FBXO34: variants seen among roughly 807,000 people sequenced by gnomAD.
The protein encoded by FBXO34 is F-box protein 34.
In FBXO34, 12 loss-of-function variants were observed where a neutral mutation model predicts 24.5. The ratio of observed to expected loss-of-function variants is 0.49; its 90% CI spans 0.31 to 0.79. The LOEUF (loss-of-function observed/expected upper bound fraction) is 0.79, where lower values mean the gene tolerates loss of function less well. Ranked by LOEUF, FBXO34 falls within the 30% of genes least tolerant of loss-of-function variation. The probability of loss-of-function intolerance (pLI) is 0.04; values close to 1 mark genes in which losing one functional copy is unlikely to be tolerated. For synonymous variants in FBXO34, 320 were observed against 311.9 expected (o/e 1.03, Z -0.27); for missense variants, 823 against 857.7 (o/e 0.96, Z 0.51).
the FBXO34 span, among the ~76,000 whole-genome samples, chr14:55,415,045 G>A: frequency 4.8e-4 from 73 of 152,288 alleles, 1 homozygote; most frequent in Middle Eastern, 0.014. Context: ...ATAAAAACAT[G>A]AATCAAACAG....
At chr14:55,424,808 A>C in the FBXO34 span, among the ~76,000 whole-genome samples, 1 of 152,166 alleles carries the variant, frequency 6.6e-6, no homozygotes, top group Non-Finnish European at 1.5e-5. Flanking sequence ...AGTAACTCAT[A>C]TTTACTACTA....
At chr14:55,374,651 C>T (rs995816442), downstream of FBXO34, among the ~76,000 whole-genome samples, 1 of 152,116 alleles carries the variant, frequency 6.6e-6, no homozygotes, top group African/African-American at 2.4e-5. Context: ...TATTTTATAG[C>T]TGTATTTTTT....
chr14:55,441,058 C>G, the FBXO34 span, among the ~76,000 whole-genome samples: 5 of 152,144 alleles, frequency 3.3e-5, no homozygotes, highest in Admixed American at 1.3e-4. Context: ...GTTGGTCAGG[C>G]TGGTCTGAAA....
At chr14:55,430,891 G>A in the FBXO34 span, among the ~76,000 whole-genome samples, 1 of 152,166 alleles carries the variant, frequency 6.6e-6, no homozygotes, top group Admixed American at 6.5e-5. Flanking sequence ...ATGTAAATAA[G>A]TTCAAATTTG....
At chr14:55,433,449 G>A in the FBXO34 span, among the ~76,000 whole-genome samples, 1 of 151,696 alleles carries the variant, frequency 6.6e-6, no homozygotes, top group Non-Finnish European at 1.5e-5. Flanking sequence ...CACCATGCCT[G>A]GCCCAAGTCA....
chr14:55,422,911 T>C, the FBXO34 span, among the ~76,000 whole-genome samples: 5 of 151,894 alleles, frequency 3.3e-5, no homozygotes, highest in Non-Finnish European at 7.4e-5. Flanking sequence ...TAGAATGACA[T>C]AGAAAAGAGT....
rs369896774 is a variant in FBXO34, at chr14:55,324,413, T to C, written c.-10-25968T>C. On this transcript the variant is annotated intron_variant, in intron 1 of 1. Transcript: ENST00000313833. ...TGCTATAAACATTTGTATATAATTA[T>C]TGGTTTGAGATCTTTTGGGTATATA... Among the ~76,000 whole-genome samples the C allele has an allele frequency of 8.5e-5, 13 of 152,238 alleles. No individual in the cohort carries two copies. The East Asian group carries it at 2.5e-3, about 29-fold the overall frequency.
At chr14:55,301,223 C>T (rs562554492) in intron 1 of FBXO34, among the ~76,000 whole-genome samples, 2 of 152,086 alleles carry the variant, frequency 1.3e-5, no homozygotes, top group Non-Finnish European at 2.9e-5. Flanking sequence ...GATTGGTTGT[C>T]TCCAGGAGTT....
At chr14:55,441,668 A>G in the FBXO34 span, among the ~76,000 whole-genome samples, 1 of 152,246 alleles carries the variant, frequency 6.6e-6, no homozygotes, top group Admixed American at 6.5e-5. Context: ...CAAAACATTC[A>G]GAGAGGGTTT....
the FBXO34 span, chr14:55,411,858 T>C: frequency 1.3e-6 from 2 of 1,541,926 alleles, no homozygotes; most frequent in East Asian, 4.8e-5. Flanking sequence ...CGTGGGATTT[T>C]GTTTTCAACC....
downstream of FBXO34, among the ~76,000 whole-genome samples, chr14:55,366,129 C>T (rs1204427996): frequency 6.6e-6 from 1 of 152,134 alleles, no homozygotes; most frequent in African/African-American, 2.4e-5. Flanking sequence ...AGGTCACATG[C>T]ATCAAATGAT....
chr14:55,298,924 T>C (rs1179031413), intron 1 of FBXO34: 1 of 1,578,830 alleles, frequency 6.3e-7, no homozygotes, highest in Non-Finnish European at 8.7e-7. Context: ...ACCGAGGTGC[T>C]CAAGAACATG....
At chr14:55,427,036 T>C in the FBXO34 span, among the ~76,000 whole-genome samples, 1 of 152,192 alleles carries the variant, frequency 6.6e-6, no homozygotes, top group African/African-American at 2.4e-5. Context: ...CTTGCAGATG[T>C]ACACTAAGCC....
chr14:55,335,266 G>A (rs1047893413), intron 1 of FBXO34: 1 of 152,196 alleles, frequency 6.6e-6, no homozygotes, highest in Admixed American at 6.5e-5. Flanking sequence ...AAAGTCTTCT[G>A]TGCTTGATCC....
At chr14:55,343,821 C>G (rs1351115079) in intron 1 of FBXO34, among the ~76,000 whole-genome samples, 1 of 152,168 alleles carries the variant, frequency 6.6e-6, no homozygotes, top group Non-Finnish European at 1.5e-5. Flanking sequence ...AGGTTTACCC[C>G]TCTGTGGACA....
chr14:55,336,179 C>T (rs923689256), intron 1 of FBXO34, among the ~76,000 whole-genome samples: 1 of 152,208 alleles, frequency 6.6e-6, no homozygotes, highest in African/African-American at 2.4e-5. Context: ...TTGGTCTTGA[C>T]TGCTGTTGTC....
At chr14:55,411,905 G>T in the FBXO34 span, 8 of 1,304,474 alleles carry the variant, frequency 6.1e-6, no homozygotes, top group Non-Finnish European at 8.4e-6. Flanking sequence ...GCCTGGGGAA[G>T]GGGGGCTGGG....
the FBXO34 span, among the ~76,000 whole-genome samples, chr14:55,387,251 C>T: frequency 3.3e-5 from 5 of 152,194 alleles, no homozygotes; most frequent in African/African-American, 1.2e-4. Flanking sequence ...CACAGTTCCC[C>T]TCTGCACACC....
chr14:55,377,874 G>A, the FBXO34 span: 7 of 1,606,908 alleles, frequency 4.4e-6, no homozygotes, highest in South Asian at 5.6e-5. Flanking sequence ...CTGAGGGTAT[G>A]CAGTGGTTGT....
Sources: allele counts gnomAD v4.1 joint callset (sites outside exome capture counted in the v4.1 genomes callset), GRCh38; gene constraint gnomAD v4.1.1; transcripts MANE v1.5; gene names NCBI Gene and HGNC (gene_info 2026-07-23, HGNC 2026-07-21).